The following PROCA1 variants were observed in gnomAD, a reference collection of about 807,000 sequenced individuals.
PROCA1 encodes the protein protein interacting with cyclin A1.
PROCA1 carries 22 observed loss-of-function variants against 23.2 expected under a neutral mutation model. The observed-to-expected ratio is 0.95, with a 90% CI of 0.68 to 1.35. The LOEUF (loss-of-function observed/expected upper bound fraction) is 1.35. Among genes scored for constraint, PROCA1 ranks in the 40% most tolerant of loss-of-function variants. The pLI is 0.00. For missense variants in PROCA1, 469 were observed against 459.8 expected, an observed-to-expected ratio of 1.02 and a Z score of -0.18; for synonymous variants, 182 against 179.2, an observed-to-expected ratio of 1.02 and a Z score of -0.12.
chr17:28,711,512 C>T, intron 1 of PROCA1, 58 bp downstream of exon 1: 2 of 1,448,036 alleles, frequency 1.4e-6, no homozygotes, highest in Non-Finnish European at 1.9e-6. Context: ...GCGTGCGCCG[C>T]TCGGGGTCTG....
intron 1 of PROCA1, chr17:28,711,044 G>A (rs1211959360): frequency 7.8e-6 from 9 of 1,155,898 alleles, no homozygotes; most frequent in East Asian, 6.5e-5. Context: ...GAGGGAAGAG[G>A]AGGAAGCAAG....
At chr17:28,711,007 A>AGGGAGGGAAGGAGTAGGGCGGGAG (rs2032753984) in intron 1 of PROCA1, 2 of 573,206 alleles carry the variant, frequency 3.5e-6, no homozygotes, top group Admixed American at 3.1e-5. Flanking sequence ...TAGGGCGGGA[A>AGGGAGGGAAGGAGTAGGGCGGGAG]GGGAGGGAAG....
At position 28,704,222 on chromosome 17, in the gene PROCA1, G is replaced by C. The variant is rs1567712910; in HGVS notation, c.441-10C>G. On this transcript the variant is annotated splice_polypyrimidine_tract_variant and intron_variant, in intron 4 of 4. Transcript: ENST00000682792. ...TCTGTAGCTTTTGCACCTGGGAGAA[G>C]GGACAACGGGGGAAGTTTGACAGAG... 7.1e-6 allele frequency: 11 copies of C among 1,552,198 alleles called. No homozygotes were observed. The highest frequency in any genetic ancestry group is 8.7e-6 in the Non-Finnish European group (10 of 1,150,690).
chr17:28,703,719 G>C lies in PROCA1; in HGVS notation c.934C>G (p.Arg312Gly), dbSNP rs201634767. Reference protein sequence around the residue: ...ELESEDSYNGRGQGELSSEDI... With the variant: ...ELESEDSYNGGGQGELSSEDI... ...TCGCTGGACAGTTCTCCCTGCCCCCGGCCATTGTAACTGTCCTCGCTCTCC... is the reference window on the plus strand; with the variant it reads ...TCGCTGGACAGTTCTCCCTGCCCCCCGCCATTGTAACTGTCCTCGCTCTCC... The change falls in exon 5 of 5, where the codon CGG becomes GGG. Residue 312 changes from arginine (R) to glycine (G), a missense_variant. Physicochemically the swap from Arg to Gly is moderately radical, Grantham distance 125. Transcript: ENST00000682792. 149 of 1,613,924 alleles carry C rather than the reference G, an allele frequency of 9.2e-5. 2 individuals carry two copies. The South Asian group carries it at 1.6e-3, about 17-fold the overall frequency.
At position 28,706,759 on chromosome 17, in the gene PROCA1, T is replaced by C. The variant is rs1360000251; in HGVS notation, c.96A>G (p.Val32=). 4 of 1,303,380 alleles carry C rather than the reference T, an allele frequency of 3.1e-6. No individual in the cohort carries two copies. The African/African-American group carries it at 6.1e-5, about 20-fold the overall frequency. The allele number at this position is 1,303,380 out of a possible 1,614,324, so 80.7% of individuals were successfully genotyped here. Residue 32 remains valine (V), a synonymous_variant, in exon 2 of 5, where the codon GTA becomes GTG. Coordinates refer to ENST00000682792, the MANE Select transcript of PROCA1 (RefSeq NM_001366301.1). ...RSWDESRCRD[V]NRLPSWERGH... is the part of the protein sequence containing the mutation. ...CTCTCTCCCAGCTGGGTAACCTGTT[T>C]ACATCTGAGAGAGCATAGAGTGGCA...
At position 28,704,118 on chromosome 17, in the gene PROCA1, C is replaced by T. The variant is rs867007955; in HGVS notation, c.535G>A (p.Glu179Lys). 6.4e-7 allele frequency: 1 copy of T among 1,569,988 alleles called. No homozygotes were observed. The highest frequency in any genetic ancestry group is 8.6e-7 in the Non-Finnish European group (1 of 1,163,886). Residue 179 changes from glutamate (E) to lysine (K), a missense_variant, in exon 5 of 5, where the codon GAG (glutamate) becomes AAG (lysine). Coordinates refer to ENST00000682792, the MANE Select transcript of PROCA1 (RefSeq NM_001366301.1). ...ATGGGGGGCTTGCTTTCCTCCTCCTCCTCTTCCTCTTCTTCATTTAGATCA... is the reference window on the plus strand; with the variant it reads ...ATGGGGGGCTTGCTTTCCTCCTCCTTCTCTTCCTCTTCTTCATTTAGATCA... ...ADDLNEEEEE[E>K]EEESKPPIPT...
chr17:28,703,582 T>C lies in PROCA1; in HGVS notation c.1071A>G (p.Pro357=). ...ARKVNKRKSP[P]GSNPNLS is the part of the protein sequence containing the mutation. ...CTCAACTGAGGTTGGGGTTTGATCC[T>C]GGGGGAGATTTTCTCTTGTTTACCT... is the stretch of plus-strand genomic sequence containing the variant. Residue 357 remains proline, a synonymous_variant, in exon 5 of 5, where the codon CCA becomes CCG. Transcript: ENST00000682792. The C allele has an allele frequency of 6.2e-7, 1 of 1,614,124 alleles. No individual in the cohort carries two copies. Among genetic ancestry groups the C allele is most frequent in the Non-Finnish European group, 8.5e-7 (1 of 1,179,988 alleles).
chr17:28,709,642 C>A (rs1236935145), intron 1 of PROCA1, among the ~76,000 whole-genome samples: 5 of 151,784 alleles, frequency 3.3e-5, no homozygotes. Flanking sequence ...GCACTCCAGC[C>A]TGGGCGACAG....
At chr17:28,706,338 CG>C in intron 2 of PROCA1, 1 of 207,178 alleles carries the variant, frequency 4.8e-6, no homozygotes, top group South Asian at 7.6e-5. Context: ...ACTTACTAGC[CG>C]GGTGGCTTAG....
rs1209870349 is a variant in PROCA1, at chr17:28,704,186, A to G, written c.467T>C (p.Val156Ala). 1 of 1,543,746 alleles carries G rather than the reference A, an allele frequency of 6.5e-7. No homozygotes were observed. Among genetic ancestry groups the G allele is most frequent in the Non-Finnish European group, 8.7e-7 (1 of 1,149,204 alleles). ...GTAGAGTGGATGGTGGATCACTGCC[A>G]CAGAGACAGGTCTGTAGCTTTTGCA... ...GWCKSYRPVSVAVIHHPLYHE... is the reference protein window; with the variant it reads ...GWCKSYRPVSAAVIHHPLYHE... Residue 156 changes from valine to alanine, a missense_variant, in exon 5 of 5, where the codon GTG (valine) becomes GCG (alanine). Transcript: ENST00000682792.
At chr17:28,711,370 T>C (rs980691585) in intron 1 of PROCA1, 200 bp downstream of exon 1, 3 of 571,014 alleles carry the variant, frequency 5.3e-6, no homozygotes, top group South Asian at 2.5e-5. Flanking sequence ...TCCTCAATCA[T>C]TGGCCCGCGG....
intron 1 of PROCA1, among the ~76,000 whole-genome samples, chr17:28,708,804 T>G (rs1340018087): frequency 6.6e-6 from 1 of 150,804 alleles, no homozygotes; most frequent in Non-Finnish European, 1.5e-5. Flanking sequence ...GAGACCAGCC[T>G]GGGCAACATG....
chr17:28,709,245 CT>C (rs1029406824), intron 1 of PROCA1, among the ~76,000 whole-genome samples: 1 of 150,946 alleles, frequency 6.6e-6, no homozygotes. Flanking sequence ...ACAGCCAAGC[CT>C]TTTTTTTTGT....
chr17:28,705,397 G>C (rs1460298815), intron 2 of PROCA1: 1 of 147,376 alleles, frequency 6.8e-6, no homozygotes, highest in African/African-American at 2.6e-5. Context: ...TTTTTCTCCT[G>C]CCTGACACCT....
rs1435418005 is a variant in PROCA1, at chr17:28,704,023, G to C, written c.630C>G (p.Asp210Glu). The C allele has an allele frequency of 2.5e-6, 4 of 1,611,430 alleles. No individual in the cohort carries two copies. The African/African-American group carries it at 5.3e-5, about 22-fold the overall frequency. Residue 210 changes from aspartate to glutamate, a missense_variant, in exon 5 of 5, where the codon GAC becomes GAG. Coordinates refer to ENST00000682792, the MANE Select transcript of PROCA1 (RefSeq NM_001366301.1). The part of the protein sequence containing the change: ...LGTSMATGTP[D>E]STAPITIWRS... The stretch of plus-strand genomic sequence containing the variant: ...GCCAGATGGTGATGGGCGCTGTGGA[G>C]TCAGGGGTACCAGTGGCCATGCTGG...
In PROCA1 at chr17:28,703,843, C is replaced by G; in HGVS notation, c.810G>C (p.Pro270=). ...KKGQLTKKKS[P]VKLEPSPPDV... is the part of the protein sequence containing the mutation. ...CTGGCGGGGAAGGCTCCAATTTAAC[C>G]GGGCTTTTCTTCTTAGTCAACTGGC... The change falls in exon 5 of 5, where the codon CCG becomes CCC. Residue 270 remains proline (P), a synonymous_variant. Transcript: ENST00000682792. 6.2e-7 allele frequency: 1 copy of G among 1,614,172 alleles called. No individual in the cohort carries two copies. The highest frequency in any genetic ancestry group is 8.5e-7 in the Non-Finnish European group (1 of 1,180,030).
Position 28,711,875 on chromosome 17 carries a change from C to T in PROCA1, c.-215G>A. ...TTCCCAGCTGGGTCTCAGCGTCAGC[C>T]GCGTTCTTCATCCGGGGCCTCCGGC... On this transcript the variant is annotated 5_prime_UTR_variant, in exon 1 of 5. Coordinates refer to ENST00000682792, the MANE Select transcript of PROCA1 (RefSeq NM_001366301.1). 4.1e-6 allele frequency: 2 copies of T among 487,580 alleles called. No homozygotes were observed. Among genetic ancestry groups the T allele is most frequent in the Non-Finnish European group, 7.2e-6 (2 of 277,736 alleles). The allele number at this position is 487,580 out of a possible 1,614,324, so 30.2% of individuals were successfully genotyped here. A position where few individuals can be genotyped will look rare whatever the true frequency, so the allele number is the denominator to read the frequency against.
intron 1 of PROCA1, chr17:28,710,978 T>TGGGTAGGGAGGGAAGGAGTAGGGC: frequency 3.2e-6 from 1 of 312,614 alleles, no homozygotes; most frequent in Non-Finnish European, 4.4e-6. Context: ...AGGAGTAGGG[T>TGGGTAGGGAGGGAAGGAGTAGGGC]GGGAAGGGAG....
chr17:28,704,860 C>G lies in PROCA1; in HGVS notation c.176-17G>C, dbSNP rs2032386715. The stretch of plus-strand genomic sequence containing the variant: ...TGCAGTCACCTGAGGGGGCAGGAGT[C>G]TGGGTCATCAGTAGCAGCCGCAGAC... On this transcript the variant is annotated splice_polypyrimidine_tract_variant and intron_variant, in intron 2 of 4. Transcript: ENST00000682792. 4 of 1,610,724 alleles carry G rather than the reference C, an allele frequency of 2.5e-6. 1 individual carries two copies. In the African/African-American group the frequency reaches 5.3e-5, roughly 21 times the overall value.
Sources: allele counts gnomAD v4.1 joint callset (sites outside exome capture counted in the v4.1 genomes callset), GRCh38; gene constraint gnomAD v4.1.1; transcripts MANE v1.5; gene names NCBI Gene and HGNC (gene_info 2026-07-23, HGNC 2026-07-21).